Variants in CEACAM6 observed in about 807,000 individuals in gnomAD.
CEACAM6 encodes the protein cell adhesion molecule CEACAM6.
CEACAM6 carries 21 observed loss-of-function variants against 32.4 expected under a neutral mutation model. The ratio of observed to expected loss-of-function variants is 0.65; its 90% CI spans 0.46 to 0.93. The LOEUF (loss-of-function observed/expected upper bound fraction) is 0.93, where lower values mean the gene tolerates loss of function less well. CEACAM6 is among the 40% of genes least tolerant of loss of function. The pLI is 0.00. For missense variants in CEACAM6, 406 were observed against 432.2 expected (o/e 0.94, Z 0.54); for synonymous variants, 184 against 174.4 (o/e 1.06, Z -0.43).
chr19:41,761,844 C>T (rs1293312078), intron 3 of CEACAM6, 125 bp from the exon 4 acceptor site: 22 of 1,249,180 alleles, frequency 1.8e-5, no homozygotes, highest in Non-Finnish European at 2.0e-5. Flanking sequence ...GGGGACATAG[C>T]GGGGGTTTGG....
At position 41,771,668 on chromosome 19, in the gene CEACAM6, T is replaced by A. The variant is rs1470825335; in HGVS notation, c.*907T>A. On this transcript the variant is annotated 3_prime_UTR_variant, in exon 6 of 6. Coordinates refer to ENST00000199764, the MANE Select transcript of CEACAM6 (RefSeq NM_002483.7). ...TGGTGTAGTGTATTCTCTAAAAGCT[T>A]TAAATGTCTGCATGCAGCCAGCCAT... The A allele has an allele frequency of 6.6e-6, 1 of 152,170 alleles. No homozygotes were observed. Among genetic ancestry groups the A allele is most frequent in the Non-Finnish European group, 1.5e-5 (1 of 68,042 alleles). The allele number at this position is 152,170 out of a possible 1,614,324, so 9.4% of individuals were successfully genotyped here.
In CEACAM6 at chr19:41,755,671, G is replaced by A. The variant is rs782570628; in HGVS notation, c.33G>A (p.Leu11=). MGPPSAPPCR[L]HVPWKEVLLT... ...CCCCCTCAGCCCCTCCCTGCAGATTGCATGTCCCCTGGAAGGAGGTCCTGC... is the reference window on the plus strand; with the variant it reads ...CCCCCTCAGCCCCTCCCTGCAGATTACATGTCCCCTGGAAGGAGGTCCTGC... Residue 11 remains leucine (L), a synonymous_variant, in exon 1 of 6, where the codon TTG becomes TTA. Transcript: ENST00000199764. 1.2e-6 allele frequency: 2 copies of A among 1,607,126 alleles called. No individual in the cohort carries two copies. The highest frequency in any genetic ancestry group is 1.7e-6 in the Non-Finnish European group (2 of 1,177,148).
At chr19:41,759,936 C>T (rs982852988) in intron 2 of CEACAM6, among the ~76,000 whole-genome samples, 1 of 152,196 alleles carries the variant, frequency 6.6e-6, no homozygotes, top group Non-Finnish European at 1.5e-5. Flanking sequence ...AAGAAATGCT[C>T]ACTGGAGCAT....
chr19:41,761,131 G>T, intron 2 of CEACAM6, 118 bp from the exon 3 acceptor site: 2 of 1,555,954 alleles, frequency 1.3e-6, no homozygotes, highest in Non-Finnish European at 8.7e-7. Flanking sequence ...ACACCTGCCA[G>T]GGGCTTTTAA....
At chr19:41,762,618 A>T (rs936306501) in intron 4 of CEACAM6, among the ~76,000 whole-genome samples, 3 of 152,116 alleles carry the variant, frequency 2.0e-5, no homozygotes, top group Admixed American at 6.5e-5. Flanking sequence ...CATAAGCTAC[A>T]AGGGACAAGG....
chr19:41,766,245 G>C lies in CEACAM6; in HGVS notation c.1021G>C (p.Val341Leu), dbSNP rs2072955154. ...VGITIGVLAR[V>L]ALI ...CATCACGATTGGAGTGCTGGCCAGG[G>C]TGGCTCTGATATAGCAGCCCTGGTG... The change falls in exon 5 of 6, where the codon GTG becomes CTG. Residue 341 changes from valine (V) to leucine (L), a missense_variant. Coordinates refer to ENST00000199764, the MANE Select transcript of CEACAM6 (RefSeq NM_002483.7). 1 of 1,601,612 alleles carries C rather than the reference G, an allele frequency of 6.2e-7. No individual in the cohort carries two copies. The highest frequency in any genetic ancestry group is 1.3e-5 in the African/African-American group (1 of 74,206).
chr19:41,768,491 G>A (rs1417173774), intron 5 of CEACAM6, among the ~76,000 whole-genome samples: 1 of 152,252 alleles, frequency 6.6e-6, no homozygotes, highest in African/African-American at 2.4e-5. Context: ...AGTCTCCCAT[G>A]TCTACTTCTT....
intron 1 of CEACAM6, 119 bp from the exon 2 acceptor site, chr19:41,756,481 C>G (rs1555821016): frequency 6.2e-6 from 9 of 1,460,560 alleles, no homozygotes; most frequent in Admixed American, 4.3e-5. Context: ...CACACACACA[C>G]ACACACACAC....
chr19:41,758,868 C>G (rs75817218), intron 2 of CEACAM6, among the ~76,000 whole-genome samples: 12,910 of 152,286 alleles, frequency 0.085, 754 homozygotes, highest in Admixed American at 0.14. Flanking sequence ...AGCAGCCGCC[C>G]CTGCCGGGCT....
At chr19:41,763,080 G>A (rs1007705158) in intron 4 of CEACAM6, among the ~76,000 whole-genome samples, 1 of 152,160 alleles carries the variant, frequency 6.6e-6, no homozygotes, top group Non-Finnish European at 1.5e-5. Flanking sequence ...TATTTATAGA[G>A]AGGATAAGAC....
intron 5 of CEACAM6, among the ~76,000 whole-genome samples, chr19:41,770,265 A>G (rs1260638237): frequency 6.6e-6 from 1 of 151,448 alleles, no homozygotes; most frequent in East Asian, 1.9e-4. Context: ...CAAAAAAAAA[A>G]AAAAAAAAAA....
rs1246527249 is a variant in CEACAM6, at chr19:41,762,158, T to C, written c.893T>C (p.Met298Thr). The stretch of plus-strand genomic sequence containing the variant: ...ACTGTGAATAATAGCGGATCCTATA[T>C]GTGCCAAGCCCATAACTCAGCCACT... ...NITVNNSGSY[M>T]CQAHNSATGL... Residue 298 changes from methionine (M) to threonine (T), a missense_variant, in exon 4 of 6, where the codon ATG becomes ACG. Transcript: ENST00000199764. 6 of 1,614,062 alleles carry C rather than the reference T, an allele frequency of 3.7e-6. No individual in the cohort carries two copies. Among genetic ancestry groups the C allele is most frequent in the Non-Finnish European group, 4.2e-6 (5 of 1,180,050 alleles).
rs781793742 is a variant in CEACAM6 at position 41,761,527 on chromosome 19, T to C, written c.703T>C (p.Tyr235His). 1 of 1,613,930 alleles carries C rather than the reference T, an allele frequency of 6.2e-7. No individual in the cohort carries two copies. Among genetic ancestry groups the C allele is most frequent in the Non-Finnish European group, 8.5e-7 (1 of 1,179,824 alleles). The part of the protein sequence containing the change: ...RSDPVTLNVL[Y>H]GPDVPTISPS... ...TGACCCAGTCACCCTGAATGTCCTC[T>C]GTGAGTATCTTCTGTTCCTCTGTGG... The change falls in exon 3 of 6, where the codon TAT becomes CAT. Residue 235 changes from tyrosine to histidine, a missense_variant and splice_region_variant. Physicochemically the swap from Tyr to His is moderately conservative, Grantham distance 83 (BLOSUM62 2). Coordinates refer to ENST00000199764, the MANE Select transcript of CEACAM6 (RefSeq NM_002483.7).
intron 5 of CEACAM6, among the ~76,000 whole-genome samples, chr19:41,768,085 T>C (rs1555822542): frequency 6.6e-6 from 1 of 151,552 alleles, no homozygotes; most frequent in Non-Finnish European, 1.5e-5. Flanking sequence ...TTATTTTTAT[T>C]TATTTTTATT....
intron 1 of CEACAM6, among the ~76,000 whole-genome samples, chr19:41,756,329 G>A (rs1224228624): frequency 6.6e-6 from 1 of 152,084 alleles, no homozygotes; most frequent in Non-Finnish European, 1.5e-5. Flanking sequence ...ATGTGAGCAG[G>A]ACCTGAGGCC....
chr19:41,757,883 A>T (rs2072898893), intron 2 of CEACAM6: 1 of 152,262 alleles, frequency 6.6e-6, no homozygotes, highest in South Asian at 2.1e-4. Flanking sequence ...AGGGACAGGG[A>T]GACAGTCACT....
chr19:41,764,849 A>T, intron 4 of CEACAM6, among the ~76,000 whole-genome samples: 1 of 152,122 alleles, frequency 6.6e-6, no homozygotes, highest in Admixed American at 6.5e-5. Context: ...GTCTCTCTTT[A>T]ATGTAAGTAT....
Position 41,771,858 on chromosome 19 carries a change from G to T in CEACAM6, c.*1097G>T, listed in dbSNP as rs2072996394. 1 of 152,054 alleles carries T rather than the reference G, an allele frequency of 6.6e-6. No homozygotes were observed. The highest frequency in any genetic ancestry group is 1.5e-5 in the Non-Finnish European group (1 of 68,014). 9.4% of individuals were successfully genotyped at this position (152,054 alleles called of 1,614,324 possible). On this transcript the variant is annotated 3_prime_UTR_variant, in exon 6 of 6. Transcript: ENST00000199764. ...ACACTCTCACCTAGGTGAGCGCATT[G>T]AGCCAGTGGTGCTAAATGCTACATA... is the stretch of plus-strand genomic sequence containing the variant.
In CEACAM6 at chr19:41,771,922, A is replaced by T. The variant is rs1056087582; in HGVS notation, c.*1161A>T. Reference sequence around the variant, plus strand: ...GTTAAGGAAGAAGATAGATCCAATTAAAAAAAATTAAAACCAATTTAAAAA... The same window carrying T: ...GTTAAGGAAGAAGATAGATCCAATTTAAAAAAATTAAAACCAATTTAAAAA... On this transcript the variant is annotated 3_prime_UTR_variant, in exon 6 of 6. Transcript: ENST00000199764. 1.2e-4 allele frequency: 18 copies of T among 152,118 alleles called. No homozygotes were observed. The highest frequency in any genetic ancestry group is 6.6e-4 in the Admixed American group (10 of 15,262). 9.4% of individuals were successfully genotyped at this position (152,118 alleles called of 1,614,324 possible).
Sources: gnomAD v4.1 joint callset for allele counts (sites outside exome capture counted in the v4.1 genomes callset) on GRCh38, gnomAD v4.1.1 for gene constraint, MANE v1.5 for transcripts, NCBI Gene and HGNC (gene_info 2026-07-23, HGNC 2026-07-21) for gene names.